Variants in ACAN observed in about 807,000 individuals in gnomAD.
The protein encoded by ACAN is aggrecan core protein.
ACAN carries 47 observed loss-of-function variants against 169.1 expected under a neutral mutation model. The ratio of observed to expected loss-of-function variants is 0.28; its 90% CI spans 0.22 to 0.35. ACAN has a LOEUF of 0.35. Among genes scored for constraint, ACAN ranks in the 10% least tolerant of loss-of-function variants. ACAN has a pLI of 1.00. For synonymous variants in ACAN, 1,115 were observed against 1,112.2 expected (o/e 1.00, Z -0.05); for missense variants, 2,716 against 2,759.9 (o/e 0.98, Z 0.36).
chr15:88,812,746 A>AAGG (rs1250168269), intron 1 of ACAN, among the ~76,000 whole-genome samples: 1 of 152,026 alleles, frequency 6.6e-6, no homozygotes, highest in African/African-American at 2.4e-5. Context: ...TTTTTCTTTA[A>AAGG]CTTATCATTA....
chr15:88,840,699 A>C (rs1485246383), intron 4 of ACAN, among the ~76,000 whole-genome samples: 1 of 151,934 alleles, frequency 6.6e-6, no homozygotes, highest in Non-Finnish European at 1.5e-5. Context: ...TAGCTCCAAC[A>C]GCCAAAAACA....
Position 88,843,750 on chromosome 15 carries a change from A to T in ACAN, c.1051+102A>T. ...AGGGAGGGTTGGTTTTTGCCCTTGAAGGGGCCACGGGGTACCTGAACCCCA... is the reference window on the plus strand; with the variant it reads ...AGGGAGGGTTGGTTTTTGCCCTTGATGGGGCCACGGGGTACCTGAACCCCA... On this transcript the variant is annotated intron_variant, in intron 6 of 18. Coordinates refer to ENST00000560601, the MANE Select transcript of ACAN (RefSeq NM_001369268.1). This position sits in a 1 kb window ranked among gnomAD's most constrained non-coding sequence, Gnocchi z 4.0. 7.0e-7 allele frequency: 1 copy of T among 1,425,306 alleles called. No homozygotes were observed. Among genetic ancestry groups the T allele is most frequent in the South Asian group, 1.4e-5 (1 of 70,632 alleles). 88.3% of individuals were successfully genotyped at this position (1,425,306 alleles called of 1,614,324 possible).
intron 1 of ACAN, among the ~76,000 whole-genome samples, chr15:88,826,506 G>GCC (rs1896225963): frequency 1.3e-5 from 2 of 150,370 alleles, no homozygotes; most frequent in African/African-American, 4.9e-5. Context: ...AGGACTCAGA[G>GCC]CCCCAGCAGG....
At chr15:88,819,747 C>T (rs1271900756) in intron 1 of ACAN, among the ~76,000 whole-genome samples, 1 of 151,992 alleles carries the variant, frequency 6.6e-6, no homozygotes, top group Non-Finnish European at 1.5e-5. Context: ...GCCTGGGTGA[C>T]ACAGCAAGAC....
chr15:88,849,861 G>C lies in ACAN; in HGVS notation c.2026+130G>C, dbSNP rs1896893730. 1 of 1,334,058 alleles carries C rather than the reference G, an allele frequency of 7.5e-7. No homozygotes were observed. The highest frequency in any genetic ancestry group is 1.0e-6 in the Non-Finnish European group (1 of 956,860). The allele number at this position is 1,334,058 out of a possible 1,614,324, so 82.6% of individuals were successfully genotyped here. On this transcript the variant is annotated intron_variant, in intron 10 of 18. Transcript: ENST00000560601. The surrounding 1 kb of genome is among the most constrained non-coding windows in gnomAD (Gnocchi z 5.1). The stretch of plus-strand genomic sequence containing the variant: ...AAAATGTCAGTCCCTCTGGGGCAGA[G>C]CCAGCTCTGAAACCAGCACAACGCA...
Position 88,861,896 on chromosome 15 carries a change from G to A in ACAN, c.6946+1457G>A, listed in dbSNP as rs1897201066. ...TCTGCTGTAAGGACAGCCTCTCTGTGATCATGTATATTTCCACAGGGCTTT... is the reference window on the plus strand; with the variant it reads ...TCTGCTGTAAGGACAGCCTCTCTGTAATCATGTATATTTCCACAGGGCTTT... On this transcript the variant is annotated intron_variant, in intron 13 of 18. Coordinates refer to ENST00000560601, the MANE Select transcript of ACAN (RefSeq NM_001369268.1). This position sits in a 1 kb window ranked among gnomAD's most constrained non-coding sequence, Gnocchi z 6.3. 6.6e-6 allele frequency among the ~76,000 whole-genome samples: 1 copy of A among 152,182 alleles called. No homozygotes were observed. The highest frequency in any genetic ancestry group is 1.5e-5 in the Non-Finnish European group (1 of 68,028).
At chr15:88,829,768 C>T (rs1011010082) in intron 1 of ACAN, among the ~76,000 whole-genome samples, 1 of 152,156 alleles carries the variant, frequency 6.6e-6, no homozygotes, top group African/African-American at 2.4e-5. Flanking sequence ...ACCAGTCTAC[C>T]AAACCCCAAC....
At position 88,814,720 on chromosome 15, in the gene ACAN, C is replaced by T. The variant is rs1442641681; in HGVS notation, c.-8+10911C>T. 6.6e-6 allele frequency among the ~76,000 whole-genome samples: 1 copy of T among 152,192 alleles called. No homozygotes were observed. Among genetic ancestry groups the T allele is most frequent in the Non-Finnish European group, 1.5e-5 (1 of 68,026 alleles). On this transcript the variant is annotated intron_variant, in intron 1 of 18. Coordinates refer to ENST00000560601, the MANE Select transcript of ACAN (RefSeq NM_001369268.1). This position sits in a 1 kb window ranked among gnomAD's most constrained non-coding sequence, Gnocchi z 4.0. ...CTCCTTCAACCCTTCTCTGGGACTG[C>T]GCTGCAGATGTTGTACTACAAAGGC... is the stretch of plus-strand genomic sequence containing the variant.
rs1896770209 is a variant in ACAN at position 88,845,526 on chromosome 15, C to G, written c.1073C>G (p.Pro358Arg). The G allele has an allele frequency of 6.2e-7, 1 of 1,610,396 alleles. No homozygotes were observed. Among genetic ancestry groups the G allele is most frequent in the African/African-American group, 1.3e-5 (1 of 74,874 alleles). The stretch of plus-strand genomic sequence containing the variant: ...CTAGGTGAAGACTTTGTGGACATCC[C>G]AGAAAACTTCTTTGGAGTGGGGGGT... ...CYTGEDFVDI[P>R]ENFFGVGGEE... The change falls in exon 7 of 19, where the codon CCA becomes CGA. Residue 358 changes from proline (P) to arginine (R), a missense_variant. By Grantham distance (103) the Pro-to-Arg change is moderately radical (BLOSUM62 -2). This residue lies in a region of ACAN where 1,283 missense variants were observed against 1,281.5 expected (regional missense o/e 1.00). Transcript: ENST00000560601.
chr15:88,854,964 A>G lies in ACAN; in HGVS notation c.2379A>G (p.Pro793=). ...AGGAACCATCCCCCTCAGAGGTGCC[A>G]TTCCCCTCAGAGGAGCCATCCCCCT... ...ASEEPSPSEV[P]FPSEEPSPSE... The change falls in exon 12 of 19, where the codon CCA becomes CCG. Residue 793 remains proline, a synonymous_variant. Coordinates refer to ENST00000560601, the MANE Select transcript of ACAN (RefSeq NM_001369268.1). The G allele has an allele frequency of 6.2e-7, 1 of 1,600,240 alleles. No homozygotes were observed. The highest frequency in any genetic ancestry group is 1.3e-5 in the African/African-American group (1 of 74,566).
At position 88,839,044 on chromosome 15, in the gene ACAN, A is replaced by C; in HGVS notation, c.452A>C (p.Lys151Thr). Residue 151 changes from lysine (K) to threonine (T), a missense_variant and splice_region_variant, in exon 3 of 19, where the codon AAA becomes ACA. Physicochemically the swap from Lys to Thr is moderately conservative, Grantham distance 78. Around this residue, in one of 3 missense-constraint regions of ACAN, gnomAD observed 1,283 missense variants for 1,281.5 expected, o/e 1.00. Coordinates refer to ENST00000560601, the MANE Select transcript of ACAN (RefSeq NM_001369268.1). This position sits in a 1 kb window ranked among gnomAD's most constrained non-coding sequence, Gnocchi z 4.5. The stretch of plus-strand genomic sequence containing the variant: ...GAGGCCACCCTGGAAGTCGTGGTGA[A>C]AGGTGAGAGCCTCCCACAGGGACAG... ...DSEATLEVVV[K>T]GIVFHYRAIS... 6.2e-7 allele frequency: 1 copy of C among 1,601,662 alleles called. No individual in the cohort carries two copies.
At position 88,843,228 on chromosome 15, in the gene ACAN, A is replaced by G; in HGVS notation, c.758-127A>G. The G allele has an allele frequency of 1.2e-6, 1 of 809,672 alleles. No homozygotes were observed. The highest frequency in any genetic ancestry group is 1.8e-6 in the Non-Finnish European group (1 of 540,880). The allele number at this position is 809,672 out of a possible 1,614,324, so 50.2% of individuals were successfully genotyped here. ...AGGGCAAGATCTGAGATGCAGACATATGGGACCAGGACTTTGGGAAGTTAA... is the reference window on the plus strand; with the variant it reads ...AGGGCAAGATCTGAGATGCAGACATGTGGGACCAGGACTTTGGGAAGTTAA... On this transcript the variant is annotated intron_variant, in intron 5 of 18. Coordinates refer to ENST00000560601, the MANE Select transcript of ACAN (RefSeq NM_001369268.1). The surrounding 1 kb of genome is among the most constrained non-coding windows in gnomAD (Gnocchi z 4.0).
At chr15:88,844,488 C>G (rs918404534) in intron 6 of ACAN, among the ~76,000 whole-genome samples, 5 of 152,064 alleles carry the variant, frequency 3.3e-5, no homozygotes, top group African/African-American at 9.7e-5. Context: ...ATTCTTCTGC[C>G]TCAGCCTCCC....
chr15:88,852,163 G>C, intron 11 of ACAN, 130 bp downstream of exon 11: 1 of 1,378,928 alleles, frequency 7.3e-7, no homozygotes, highest in Non-Finnish European at 9.7e-7. Flanking sequence ...ACACTGGCTG[G>C]GTGTTCTGCT....
At position 88,839,394 on chromosome 15, in the gene ACAN, C is replaced by A. The variant is rs1321883918; in HGVS notation, c.454+348C>A. On this transcript the variant is annotated intron_variant, in intron 3 of 18. Transcript: ENST00000560601. This position sits in a 1 kb window ranked among gnomAD's most constrained non-coding sequence, Gnocchi z 4.5. ...TACCCTGGAAATGAGTCAGAGCAGT[C>A]TCCTGACAGTTCATCCTGGTGTCTT... 1.3e-5 allele frequency among the ~76,000 whole-genome samples: 2 copies of A among 152,216 alleles called. No individual in the cohort carries two copies. Among genetic ancestry groups the A allele is most frequent in the African/African-American group, 4.8e-5 (2 of 41,466 alleles).
At position 88,857,371 on chromosome 15, in the gene ACAN, TTGG is replaced by T. The variant is rs1897079391; in HGVS notation, c.4790_4792del (p.Val1597del). On this transcript the variant is annotated inframe_deletion, in exon 12 of 19. Transcript: ENST00000560601. ...TGGGTTGCCTTCTGGAAAAGAAGAC[TTGG>T]TGGGGTCAGCTTCTGGAGACTTGGA... 2 of 1,613,886 alleles carry T rather than the reference TTGG, an allele frequency of 1.2e-6. No individual in the cohort carries two copies. Among genetic ancestry groups the T allele is most frequent in the East Asian group, 4.5e-5 (2 of 44,884 alleles).
chr15:88,829,863 GTTTTCATTTAAGACTTGA>G (rs1896316316), intron 1 of ACAN, among the ~76,000 whole-genome samples: 1 of 152,210 alleles, frequency 6.6e-6, no homozygotes, highest in Non-Finnish European at 1.5e-5. Context: ...AAGGGATTTT[GTTTTCATTTAAGACTTGA>G]TTTTCAAACT....
intron 1 of ACAN, among the ~76,000 whole-genome samples, chr15:88,819,772 A>G (rs1794773711): frequency 6.6e-6 from 1 of 151,968 alleles, no homozygotes; most frequent in Non-Finnish European, 1.5e-5. Flanking sequence ...TCTCTAAAAA[A>G]CATTTTTTTA....
At chr15:88,810,169 C>G (rs1317082714) in intron 1 of ACAN, among the ~76,000 whole-genome samples, 1 of 152,084 alleles carries the variant, frequency 6.6e-6, no homozygotes, top group Non-Finnish European at 1.5e-5. Flanking sequence ...TGAGGCTCCT[C>G]CCTTCACACC....
Sources: gnomAD v4.1 joint callset for allele counts (sites outside exome capture counted in the v4.1 genomes callset) on GRCh38, gnomAD v4.1.1 for gene constraint, gnomAD v4.1.1 regional missense constraint, Gnocchi (gnomAD v3.1) non-coding constraint, MANE v1.5 for transcripts, NCBI Gene and HGNC (gene_info 2026-07-23, HGNC 2026-07-21) for gene names.